Variants in CCNI observed in about 807,000 individuals in gnomAD.
The protein encoded by CCNI is cyclin I.
Under a neutral mutation model 34.1 loss-of-function variants are expected in CCNI, and 14 were observed. That is an observed-to-expected ratio of 0.41 (90% CI 0.27 to 0.64). The LOEUF (loss-of-function observed/expected upper bound fraction) is 0.64. Ranked by LOEUF, CCNI falls within the 30% of genes least tolerant of loss-of-function variation. The probability of loss-of-function intolerance (pLI) is 0.31; values close to 1 mark genes in which losing one functional copy is unlikely to be tolerated. For synonymous variants in CCNI, 154 were observed against 158.4 expected (o/e 0.97, Z 0.21); for missense variants, 385 against 440.5 (o/e 0.87, Z 1.13).
At chr4:77,069,439 A>G (rs968720047) in intron 1 of CCNI, among the ~76,000 whole-genome samples, 5 of 143,270 alleles carry the variant, frequency 3.5e-5, no homozygotes, top group East Asian at 2.2e-4. Flanking sequence ...TTATATATAT[A>G]TATTTTTTTT....
intron 2 of CCNI, among the ~76,000 whole-genome samples, chr4:77,063,583 G>A (rs933644304): frequency 6.6e-6 from 1 of 151,724 alleles, no homozygotes. Flanking sequence ...CCAGCTAATG[G>A]GGAGGCTGAG....
chr4:77,060,152 T>C (rs1459521990), intron 2 of CCNI, among the ~76,000 whole-genome samples: 1 of 151,342 alleles, frequency 6.6e-6, no homozygotes, highest in East Asian at 1.9e-4. Context: ...CACTATTTGG[T>C]GTTTGGCATT....
At chr4:77,049,778 C>T (rs1727708416) in intron 6 of CCNI, among the ~76,000 whole-genome samples, 2 of 151,916 alleles carry the variant, frequency 1.3e-5, no homozygotes, top group African/African-American at 4.8e-5. Flanking sequence ...TTATAGACTA[C>T]AAGACCAAAG....
At chr4:77,068,416 C>T (rs1331270414) in intron 1 of CCNI, among the ~76,000 whole-genome samples, 4 of 152,114 alleles carry the variant, frequency 2.6e-5, no homozygotes, top group Non-Finnish European at 2.9e-5. Flanking sequence ...ATAAAAGCCA[C>T]GTCTTTACAT....
intron 1 of CCNI, among the ~76,000 whole-genome samples, chr4:77,074,495 T>C (rs561325136): frequency 7.5e-4 from 115 of 152,328 alleles, no homozygotes; most frequent in Middle Eastern, 3.4e-3. Context: ...CAGCGTAGAA[T>C]CAGACTTAAT....
chr4:77,062,187 A>T (rs1013913843), intron 2 of CCNI, among the ~76,000 whole-genome samples: 6 of 152,178 alleles, frequency 3.9e-5, no homozygotes, highest in Non-Finnish European at 8.8e-5. Flanking sequence ...TCCCCGCCAG[A>T]TACTTTTCCT....
chr4:77,049,122 T>G (rs1727667486), intron 6 of CCNI, among the ~76,000 whole-genome samples: 1 of 152,056 alleles, frequency 6.6e-6, no homozygotes, highest in African/African-American at 2.4e-5. Flanking sequence ...AAAAAAAATT[T>G]TTTTTAATCA....
intron 1 of CCNI, 70 bp downstream of exon 1, chr4:77,075,402 G>A (rs1296108701): frequency 3.4e-6 from 2 of 595,874 alleles, no homozygotes; most frequent in Non-Finnish European, 4.2e-6. Flanking sequence ...GGGGGGAGCA[G>A]CGGGGCCCCA....
intron 1 of CCNI, 87 bp downstream of exon 1, chr4:77,075,385 G>C (rs1729836505): frequency 1.6e-5 from 7 of 431,462 alleles, no homozygotes; most frequent in Non-Finnish European, 2.2e-5. Context: ...TGCCACGGGG[G>C]CGGCGCGGGG....
At chr4:77,069,003 TAGAG>T (rs928189170) in intron 1 of CCNI, among the ~76,000 whole-genome samples, 2 of 152,064 alleles carry the variant, frequency 1.3e-5, no homozygotes, top group East Asian at 1.9e-4. Context: ...AAGGGGTAAA[TAGAG>T]AGGAAAAAGA....
intron 1 of CCNI, 85 bp downstream of exon 1, chr4:77,075,387 G>T: frequency 2.2e-6 from 1 of 447,486 alleles, no homozygotes; most frequent in Non-Finnish European, 3.0e-6. Context: ...CCACGGGGGC[G>T]GCGCGGGGGG....
intron 1 of CCNI, among the ~76,000 whole-genome samples, chr4:77,069,793 T>A (rs1729327404): frequency 6.6e-6 from 1 of 151,948 alleles, no homozygotes; most frequent in African/African-American, 2.4e-5. Context: ...CAACCCACTG[T>A]GTGTGGGGTT....
intron 6 of CCNI, among the ~76,000 whole-genome samples, chr4:77,054,299 T>G (rs1728062372): frequency 6.6e-6 from 1 of 152,178 alleles, no homozygotes; most frequent in Non-Finnish European, 1.5e-5. Context: ...AATGTTAAGC[T>G]TAGAATTTCA....
chr4:77,068,976 C>T (rs948182274), intron 1 of CCNI, among the ~76,000 whole-genome samples: 15 of 152,044 alleles, frequency 9.9e-5, no homozygotes, highest in Non-Finnish European at 5.9e-5. Flanking sequence ...CATAAAATAT[C>T]TTCATACTAA....
At chr4:77,056,582 C>A in intron 3 of CCNI, 1 of 323,050 alleles carries the variant, frequency 3.1e-6, no homozygotes, top group Non-Finnish European at 5.6e-6. Context: ...GTGTCTAGAG[C>A]TAACTTTTTT....
chr4:77,058,556 G>A lies in CCNI; in HGVS notation c.194C>T (p.Thr65Ile). 6.2e-7 allele frequency: 1 copy of A among 1,613,302 alleles called. No individual in the cohort carries two copies. Among genetic ancestry groups the A allele is most frequent in the Non-Finnish European group, 8.5e-7 (1 of 1,179,352 alleles). Residue 65 changes from threonine (T) to isoleucine (I), a missense_variant, in exon 3 of 7, where the codon ACA (threonine) becomes ATA (isoleucine). Coordinates refer to ENST00000237654, the MANE Select transcript of CCNI (RefSeq NM_006835.3). Reference sequence around the variant, plus strand: ...CAAAAGACTGCTAGCCAGAGCAAATGTTTCTGGGTAAAGGTTGAATTGGTA... The same window carrying A: ...CAAAAGACTGCTAGCCAGAGCAAATATTTCTGGGTAAAGGTTGAATTGGTA... ...LKYQFNLYPE[T>I]FALASSLLDR...
intron 2 of CCNI, among the ~76,000 whole-genome samples, chr4:77,062,151 T>A (rs903701544): frequency 3.3e-5 from 5 of 152,238 alleles, no homozygotes; most frequent in East Asian, 3.8e-4. Flanking sequence ...TTATTATGTA[T>A]CTCTTGAGAG....
At chr4:77,050,290 C>T (rs1727738852) in intron 6 of CCNI, among the ~76,000 whole-genome samples, 1 of 152,124 alleles carries the variant, frequency 6.6e-6, no homozygotes, top group African/African-American at 2.4e-5. Flanking sequence ...GTATTCTGGA[C>T]ATTTCTGTAC....
chr4:77,058,727 A>G, intron 2 of CCNI, 92 bp from the exon 3 acceptor site: 1 of 986,512 alleles, frequency 1.0e-6, no homozygotes, highest in South Asian at 1.6e-5. Context: ...GTTAGGTAAT[A>G]CTACAAAATA....
Sources: gnomAD v4.1 joint callset for allele counts (sites outside exome capture counted in the v4.1 genomes callset) on GRCh38, gnomAD v4.1.1 for gene constraint, MANE v1.5 for transcripts, NCBI Gene and HGNC (gene_info 2026-07-23, HGNC 2026-07-21) for gene names.